Variants in HDC observed in about 807,000 individuals in gnomAD.
HDC encodes histidine decarboxylase.
A neutral mutation model predicts 64.4 loss-of-function variants in HDC; 27 were observed. The ratio of observed to expected loss-of-function variants is 0.42; its 90% CI spans 0.31 to 0.58. The LOEUF (loss-of-function observed/expected upper bound fraction) is 0.58, where lower values mean the gene tolerates loss of function less well. Among genes scored for constraint, HDC ranks in the 20% least tolerant of loss-of-function variants. The probability of loss-of-function intolerance (pLI) is 0.16; values close to 1 mark genes in which losing one functional copy is unlikely to be tolerated. For missense variants in HDC, 711 were observed against 833.9 expected (o/e 0.85, Z 1.81); for synonymous variants, 305 against 314.2 (o/e 0.97, Z 0.31).
In HDC at chr15:50,257,512, G is replaced by C; in HGVS notation, c.354C>G (p.Asn118Lys). 1 of 1,614,180 alleles carries C rather than the reference G, an allele frequency of 6.2e-7. No individual in the cohort carries two copies. The highest frequency in any genetic ancestry group is 8.5e-7 in the Non-Finnish European group (1 of 1,180,008). ...GCATTTTTGCCAACCAGTCCATGAC[G>C]TTCATCTCCAGCTCTGTACACGCAG... ...SSPACTELEM[N>K]VMDWLAKMLG... Residue 118 changes from asparagine (N) to lysine (K), a missense_variant, in exon 4 of 12, where the codon AAC becomes AAG. Transcript: ENST00000267845.
At chr15:50,247,464 A>G (rs1205613523) in intron 10 of HDC, among the ~76,000 whole-genome samples, 1 of 152,186 alleles carries the variant, frequency 6.6e-6, no homozygotes, top group Non-Finnish European at 1.5e-5. Flanking sequence ...TTGTTTAACC[A>G]AGAAGGAATT....
In HDC at chr15:50,262,051, G is replaced by A. The variant is rs77300013; in HGVS notation, c.204+1184C>T. On this transcript the variant is annotated intron_variant, in intron 2 of 11. Transcript: ENST00000267845. ...TCAAAAGTTCTTTGGGAATGATGAA[G>A]GCAAACCTCAAGCTGGCCTCAGGAA... Among the ~76,000 whole-genome samples the A allele has an allele frequency of 3.6e-3, 541 of 152,186 alleles. 3 individuals are homozygous for A. Among genetic ancestry groups the A allele is most frequent in the African/African-American group, 0.012 (515 of 41,514 alleles).
chr15:50,262,821 GTC>G (rs2045721494), intron 2 of HDC, among the ~76,000 whole-genome samples: 1 of 152,076 alleles, frequency 6.6e-6, no homozygotes, highest in Non-Finnish European at 1.5e-5. Context: ...GTACAGAAGA[GTC>G]TCTGGCTCCG....
intron 1 of HDC, 39 bp downstream of exon 1, chr15:50,265,554 T>C (rs761218317): frequency 2.5e-6 from 4 of 1,589,152 alleles, no homozygotes; most frequent in Non-Finnish European, 3.5e-6. Context: ...CCTGCAGGAG[T>C]AGCAGCAGGG....
Position 50,248,064 on chromosome 15 carries a change from G to T in HDC, c.1140+181C>A, listed in dbSNP as rs1387455744. On this transcript the variant is annotated intron_variant, in intron 10 of 11. Coordinates refer to ENST00000267845, the MANE Select transcript of HDC (RefSeq NM_002112.4). This position sits in a 1 kb window ranked among gnomAD's most constrained non-coding sequence, Gnocchi z 4.3. ...CATCAGGCAGCCCTCAGGGCATGTT[G>T]TGCTCAGCGCTCCTCTGGTTAACAA... 6.6e-6 allele frequency among the ~76,000 whole-genome samples: 1 copy of T among 152,220 alleles called. No individual in the cohort carries two copies. The highest frequency in any genetic ancestry group is 2.1e-4 in the South Asian group (1 of 4,830).
intron 7 of HDC, 100 bp downstream of exon 7, chr15:50,253,500 G>C (rs1375444860): frequency 4.6e-6 from 5 of 1,080,598 alleles, no homozygotes; most frequent in Non-Finnish European, 7.2e-6. Context: ...GACCAAAGAG[G>C]AACAAGAATA....
At position 50,248,588 on chromosome 15, in the gene HDC, A is replaced by C. The variant is rs1297567242; in HGVS notation, c.1042-245T>G. Among the ~76,000 whole-genome samples, 3 of 152,200 alleles carry C rather than the reference A, an allele frequency of 2.0e-5. No homozygotes were observed. The East Asian group carries it at 5.8e-4, about 29-fold the overall frequency. ...AGCCAGACAAGTGGAAGTCAAGTCC[A>C]TTACCCTGAACCAATGAGAAGGGCA... On this transcript the variant is annotated intron_variant, in intron 9 of 11. Transcript: ENST00000267845. This position sits in a 1 kb window ranked among gnomAD's most constrained non-coding sequence, Gnocchi z 4.3.
At position 50,263,352 on chromosome 15, in the gene HDC, A is replaced by T; in HGVS notation, c.87T>A (p.Arg29=). The change falls in exon 2 of 12, where the codon CGT becomes CGA. Residue 29 remains arginine, a synonymous_variant. Coordinates refer to ENST00000267845, the MANE Select transcript of HDC (RefSeq NM_002112.4). The part of the protein sequence containing the change: ...CQYLSTVRER[R]VTPDVQPGYL... Reference sequence around the variant, plus strand: ...AGCCAGGCTGCACGTCTGGCGTCACACGTCTCTCCCGCACAGTGCTCAGGT... The same window carrying T: ...AGCCAGGCTGCACGTCTGGCGTCACTCGTCTCTCCCGCACAGTGCTCAGGT... 1.2e-6 allele frequency: 2 copies of T among 1,614,160 alleles called. No individual in the cohort carries two copies. The highest frequency in any genetic ancestry group is 1.7e-6 in the Non-Finnish European group (2 of 1,180,010).
intron 1 of HDC, among the ~76,000 whole-genome samples, chr15:50,264,791 C>T (rs1273902762): frequency 6.6e-6 from 1 of 152,156 alleles, no homozygotes; most frequent in African/African-American, 2.4e-5. Context: ...CCTTCTGCTC[C>T]CCTTCAACCC....
intron 3 of HDC, 135 bp from the exon 4 acceptor site, chr15:50,257,682 C>G (rs2045650938): frequency 1.0e-6 from 1 of 955,928 alleles, no homozygotes; most frequent in African/African-American, 1.6e-5. Flanking sequence ...AGGCCACGTG[C>G]CTCTCTCCTG....
intron 5 of HDC, 76 bp downstream of exon 5, chr15:50,254,453 GA>G: frequency 1.2e-6 from 2 of 1,604,252 alleles, no homozygotes; most frequent in Non-Finnish European, 1.7e-6. Flanking sequence ...CTCACGTCTA[GA>G]AAAAAATTGC....
intron 10 of HDC, 41 bp from the exon 11 acceptor site, chr15:50,243,285 G>T: frequency 7.8e-7 from 1 of 1,284,242 alleles, no homozygotes; most frequent in South Asian, 1.2e-5. Flanking sequence ...TTAATCATCA[G>T]ACAAGAGACT....
intron 1 of HDC, among the ~76,000 whole-genome samples, chr15:50,264,453 A>G (rs532202160): frequency 6.6e-6 from 1 of 152,044 alleles, no homozygotes; most frequent in Non-Finnish European, 1.5e-5. Flanking sequence ...TATTTTTTAG[A>G]TGCTAAAAAA....
chr15:50,254,906 G>A (rs1231847611), intron 4 of HDC, among the ~76,000 whole-genome samples: 1 of 152,042 alleles, frequency 6.6e-6, no homozygotes, highest in Non-Finnish European at 1.5e-5. Flanking sequence ...AAATAAGTTT[G>A]CACCTAATAC....
At chr15:50,245,574 G>T (rs1222485126) in intron 10 of HDC, among the ~76,000 whole-genome samples, 1 of 152,164 alleles carries the variant, frequency 6.6e-6, no homozygotes, top group African/African-American at 2.4e-5. Flanking sequence ...TTTGAGAGAG[G>T]TAGTATCCTT....
At chr15:50,259,389 T>C (rs189210699) in intron 2 of HDC, among the ~76,000 whole-genome samples, 2 of 152,208 alleles carry the variant, frequency 1.3e-5, no homozygotes, top group Admixed American at 1.3e-4. Flanking sequence ...ACCAAGCGTA[T>C]GGGAGGCCGA....
chr15:50,246,167 C>T (rs1240574881), intron 10 of HDC, among the ~76,000 whole-genome samples: 1 of 152,152 alleles, frequency 6.6e-6, no homozygotes, highest in African/African-American at 2.4e-5. Context: ...TCCCTCTGAG[C>T]CTTGCCAGGT....
At chr15:50,254,366 T>C (rs2045598377) in intron 5 of HDC, 93 bp from the exon 6 acceptor site, 2 of 1,556,484 alleles carry the variant, frequency 1.3e-6, no homozygotes, top group Non-Finnish European at 1.8e-6. Context: ...GAACCAAATA[T>C]GATCATTGGA....
chr15:50,250,370 T>C (rs1278336466), intron 9 of HDC, among the ~76,000 whole-genome samples: 8 of 151,972 alleles, frequency 5.3e-5, no homozygotes, highest in Admixed American at 6.6e-5. Flanking sequence ...ATCAAATCCA[T>C]AGGATTAAAG....
Sources: gnomAD v4.1 joint callset for allele counts (sites outside exome capture counted in the v4.1 genomes callset) on GRCh38, gnomAD v4.1.1 for gene constraint, Gnocchi (gnomAD v3.1) non-coding constraint, MANE v1.5 for transcripts, NCBI Gene and HGNC (gene_info 2026-07-23, HGNC 2026-07-21) for gene names.